LY9: variants seen among roughly 807,000 people sequenced by gnomAD.
The protein encoded by LY9 is lymphocyte antigen 9.
In LY9, 59 loss-of-function variants were observed where a neutral mutation model predicts 64.6. The observed-to-expected ratio is 0.91, with a 90% CI of 0.74 to 1.13. LY9 has a LOEUF of 1.13. Among genes scored for constraint, LY9 ranks in the 50% most tolerant of loss-of-function variants. The pLI, the probability that LY9 is intolerant of heterozygous loss-of-function variation, is 0.00. For missense variants in LY9, 789 were observed against 797.2 expected (o/e 0.99, Z 0.12); for synonymous variants, 281 against 308.5 (o/e 0.91, Z 0.93).
At chr1:160,809,364 C>T (rs372381118) in intron 2 of LY9, among the ~76,000 whole-genome samples, 8 of 134,066 alleles carry the variant, frequency 6.0e-5, no homozygotes, top group African/African-American at 2.6e-4. Context: ...ATTATTATTA[C>T]TACTACTATT....
At chr1:160,826,552 G>C (rs1253427877) in intron 9 of LY9, among the ~76,000 whole-genome samples, 1 of 152,212 alleles carries the variant, frequency 6.6e-6, no homozygotes, top group African/African-American at 2.4e-5. Flanking sequence ...TGCGTAAATG[G>C]GTTAAAGTTA....
chr1:160,808,322 C>G (rs1040727098), intron 2 of LY9, among the ~76,000 whole-genome samples: 4 of 152,160 alleles, frequency 2.6e-5, no homozygotes, highest in Non-Finnish European at 4.4e-5. Flanking sequence ...TTTAGTTTTC[C>G]TAACACCTCA....
chr1:160,823,054 C>T (rs1207273843), intron 7 of LY9, among the ~76,000 whole-genome samples: 3 of 152,170 alleles, frequency 2.0e-5, no homozygotes, highest in Admixed American at 6.6e-5. Context: ...TTTCCTCATA[C>T]GTTCCATAGG....
chr1:160,796,197 C>A lies in LY9; in HGVS notation c.10C>A (p.Pro4Thr), dbSNP rs940627809. Reference sequence around the variant, plus strand: ...CTGAAAATAGATCATCATGGTGGCACCAAAGAGTCACACAGATGACTGGGC... The same window carrying A: ...CTGAAAATAGATCATCATGGTGGCAACAAAGAGTCACACAGATGACTGGGC... MVA[P>T]KSHTDDWAPG... The change falls in exon 1 of 10, where the codon CCA becomes ACA. Residue 4 changes from proline to threonine, a missense_variant. Transcript: ENST00000263285. 6.2e-7 allele frequency: 1 copy of A among 1,613,844 alleles called. No individual in the cohort carries two copies. The highest frequency in any genetic ancestry group is 1.3e-5 in the African/African-American group (1 of 74,882).
At chr1:160,801,943 G>A (rs1330995034) in intron 2 of LY9, 3 of 1,611,028 alleles carry the variant, frequency 1.9e-6, no homozygotes, top group Non-Finnish European at 2.5e-6. Flanking sequence ...TGCCACTGGA[G>A]ACCGCTCCGC....
intron 7 of LY9, among the ~76,000 whole-genome samples, chr1:160,820,535 T>C (rs1668335064): frequency 6.6e-6 from 1 of 152,202 alleles, no homozygotes; most frequent in African/African-American, 2.4e-5. Context: ...GCTCTTCTGA[T>C]GGAAAAGCAT....
In LY9 at chr1:160,824,229, T is replaced by C. The variant is rs758467609; in HGVS notation, c.1879T>C (p.Cys627Arg). The C allele has an allele frequency of 6.2e-7, 1 of 1,614,218 alleles. No homozygotes were observed. The highest frequency in any genetic ancestry group is 8.5e-7 in the Non-Finnish European group (1 of 1,180,030). ...QKEESSATIY[C>R]SIRKPQVVPP... ...GGAAGAGAGCTCAGCCACAATCTACTGCTCCATACGGAAACCTCAGGTGGT... is the reference window on the plus strand; with the variant it reads ...GGAAGAGAGCTCAGCCACAATCTACCGCTCCATACGGAAACCTCAGGTGGT... Residue 627 changes from cysteine to arginine, a missense_variant, in exon 9 of 10, where the codon TGC (cysteine) becomes CGC (arginine). Transcript: ENST00000263285.
Position 160,824,161 on chromosome 1 carries a change from C to A in LY9, c.1831-20C>A. ...CTCTCATGTGGTCACTAGGGCTCAT[C>A]TGCTGTTGGTGTGTTACAGGGAAAG... is the stretch of plus-strand genomic sequence containing the variant. On this transcript the variant is annotated intron_variant, in intron 8 of 9. Coordinates refer to ENST00000263285, the MANE Select transcript of LY9 (RefSeq NM_002348.4). 2 of 1,614,068 alleles carry A rather than the reference C, an allele frequency of 1.2e-6. No individual in the cohort carries two copies. The highest frequency in any genetic ancestry group is 1.1e-5 in the South Asian group (1 of 91,070).
At chr1:160,802,013 A>G in intron 2 of LY9, 3 of 1,507,556 alleles carry the variant, frequency 2.0e-6, no homozygotes, top group Non-Finnish European at 2.7e-6. Flanking sequence ...GGACCCTGCC[A>G]GGCCCAGTGC....
chr1:160,808,318 T>C (rs1667176311), intron 2 of LY9, among the ~76,000 whole-genome samples: 1 of 152,110 alleles, frequency 6.6e-6, no homozygotes, highest in Admixed American at 6.5e-5. Context: ...CAGTTTTAGT[T>C]TTCCTAACAC....
intron 2 of LY9, among the ~76,000 whole-genome samples, chr1:160,800,792 T>G (rs149692965): frequency 4.1e-4 from 62 of 152,312 alleles, no homozygotes; most frequent in African/African-American, 1.5e-3. Context: ...TGAGAACGTG[T>G]GGTATTTTAC....
chr1:160,809,376 C>A (rs1203301730), intron 2 of LY9, among the ~76,000 whole-genome samples: 2 of 143,200 alleles, frequency 1.4e-5, no homozygotes, highest in African/African-American at 2.5e-5. Flanking sequence ...ACTACTATTA[C>A]CAGTATTTCA....
chr1:160,821,114 T>C (rs1005707762), intron 7 of LY9, among the ~76,000 whole-genome samples: 2 of 133,934 alleles, frequency 1.5e-5, no homozygotes, highest in South Asian at 2.5e-4. Flanking sequence ...GACTGCACCA[T>C]TGCACTCCAA....
intron 6 of LY9, 51 bp from the exon 7 acceptor site, chr1:160,819,270 C>G (rs377414014): frequency 7.3e-7 from 1 of 1,367,038 alleles, no homozygotes; most frequent in African/African-American, 1.4e-5. Flanking sequence ...ATAAAAGACA[C>G]CTCTCACCTC....
intron 2 of LY9, among the ~76,000 whole-genome samples, chr1:160,809,098 T>C (rs1667240801): frequency 2.0e-5 from 3 of 152,136 alleles, no homozygotes; most frequent in Admixed American, 2.0e-4. Flanking sequence ...TGTGCACCTA[T>C]CTTTTCACGC....
At chr1:160,809,966 A>G (rs1667340635) in intron 2 of LY9, 1 of 152,192 alleles carries the variant, frequency 6.6e-6, no homozygotes. Context: ...TGCAACCTCC[A>G]CCTTCTGAGT....
intron 2 of LY9, among the ~76,000 whole-genome samples, chr1:160,804,821 T>C (rs2101757982): frequency 6.6e-6 from 1 of 152,276 alleles, no homozygotes; most frequent in East Asian, 1.9e-4. Context: ...TCTTGGTAGG[T>C]TGTATGTTTC....
At position 160,806,268 on chromosome 1, in the gene LY9, C is replaced by T. The variant is rs114008179; in HGVS notation, c.454+6186C>T. 7.5e-3 allele frequency among the ~76,000 whole-genome samples: 1,137 copies of T among 152,130 alleles called. 9 individuals carry two copies. Among genetic ancestry groups the T allele is most frequent in the Middle Eastern group, 0.017 (5 of 290 alleles). ...TGTTTCTTTCTCTCTTATTGTTTGT[C>T]ACTGTGGTTTGGTGGGTATCTGTAG... On this transcript the variant is annotated intron_variant, in intron 2 of 9. Coordinates refer to ENST00000263285, the MANE Select transcript of LY9 (RefSeq NM_002348.4).
intron 2 of LY9, chr1:160,813,289 T>G: frequency 3.6e-6 from 1 of 280,266 alleles, no homozygotes; most frequent in Admixed American, 4.8e-5. Context: ...CATTCACCTA[T>G]TTATTCATTG....
Sources: gnomAD v4.1 joint callset for allele counts (sites outside exome capture counted in the v4.1 genomes callset) on GRCh38, gnomAD v4.1.1 for gene constraint, MANE v1.5 for transcripts, NCBI Gene and HGNC (gene_info 2026-07-23, HGNC 2026-07-21) for gene names.